The following IGF1 variants were observed in gnomAD, a reference collection of about 807,000 sequenced individuals.
IGF1 encodes insulin-like growth factor 1.
In IGF1, 4 loss-of-function variants were observed where a neutral mutation model predicts 13.8. That is an observed-to-expected ratio of 0.29 (90% CI 0.14 to 0.66). The LOEUF (loss-of-function observed/expected upper bound fraction) is 0.66, where lower values mean the gene tolerates loss of function less well. Among genes scored for constraint, IGF1 ranks in the 30% least tolerant of loss-of-function variants. The pLI is 0.78. For synonymous variants in IGF1, 76 were observed against 72.6 expected, an observed-to-expected ratio of 1.05 and a Z score of -0.23; for missense variants, 124 against 188.5, an observed-to-expected ratio of 0.66 and a Z score of 2.00.
chr12:102,472,647 T>G (rs945203459), intron 2 of IGF1, among the ~76,000 whole-genome samples: 2 of 152,194 alleles, frequency 1.3e-5, no homozygotes, highest in African/African-American at 4.8e-5. Flanking sequence ...TGACAGTGTA[T>G]AGAGGTGGGG....
rs1880661887 is a variant in IGF1 at position 102,471,165 on chromosome 12, CTG to C, written c.220+4476_220+4477del. Among the ~76,000 whole-genome samples, 6 of 152,274 alleles carry C rather than the reference CTG, an allele frequency of 3.9e-5. No individual in the cohort carries two copies. The South Asian group carries it at 1.2e-3, about 32-fold the overall frequency. On this transcript the variant is annotated intron_variant, in intron 2 of 3. Transcript: ENST00000337514. Reference sequence around the variant, plus strand: ...TTTAACTGGGTGGAATCTCCTATCTCTGGGGACCAACAGAAACTATGTAAATA... The same window carrying C: ...TTTAACTGGGTGGAATCTCCTATCTCGGGACCAACAGAAACTATGTAAATA...
chr12:102,477,535 A>ATTTT lies in IGF1; in HGVS notation c.64-1740_64-1737dup, dbSNP rs371700453. Among the ~76,000 whole-genome samples the ATTTT allele has an allele frequency of 1.5e-3, 216 of 140,618 alleles. 6 individuals are homozygous for ATTTT. The highest frequency in any genetic ancestry group is 4.1e-3 in the South Asian group (18 of 4,366). 92.3% of individuals were successfully genotyped at this position (140,618 alleles called of 152,430 possible). ...AGAAGCATGTTATCATCCAGTTCTC[A>ATTTT]TTTTTTTTTTTTTTTGGTTGTAAAA... is the stretch of plus-strand genomic sequence containing the variant. On this transcript the variant is annotated intron_variant, in intron 1 of 3. Transcript: ENST00000337514.
chr12:102,470,617 C>T (rs1880626817), intron 2 of IGF1, among the ~76,000 whole-genome samples: 1 of 152,100 alleles, frequency 6.6e-6, no homozygotes, highest in Admixed American at 6.5e-5. Context: ...AAGAGAAAAG[C>T]TTTCCCACAG....
intron 2 of IGF1, among the ~76,000 whole-genome samples, chr12:102,434,832 T>C (rs963699969): frequency 6.6e-6 from 1 of 151,738 alleles, no homozygotes; most frequent in Non-Finnish European, 1.5e-5. Flanking sequence ...TTTTAATGAT[T>C]GCCATTCTAA....
chr12:102,429,589 A>T (rs996410711), intron 2 of IGF1, among the ~76,000 whole-genome samples: 1 of 152,218 alleles, frequency 6.6e-6, no homozygotes, highest in Non-Finnish European at 1.5e-5. Flanking sequence ...TCTTTATTTC[A>T]TCTGGGACCA....
chr12:102,435,424 A>G (rs1877143077), intron 2 of IGF1, among the ~76,000 whole-genome samples: 2 of 152,194 alleles, frequency 1.3e-5, no homozygotes, highest in Admixed American at 1.3e-4. Flanking sequence ...GTCTCCCCAC[A>G]TCCCCCAGCA....
At chr12:102,439,056 C>T (rs1877480275) in intron 2 of IGF1, among the ~76,000 whole-genome samples, 1 of 152,236 alleles carries the variant, frequency 6.6e-6, no homozygotes. Flanking sequence ...GCTGTAGCCA[C>T]AACACTTGCA....
At position 102,396,561 on chromosome 12, in the gene IGF1, G is replaced by A. The variant is rs374422492; in HGVS notation, c.*5946C>T. 19 of 252,888 alleles carry A rather than the reference G, an allele frequency of 7.5e-5. 1 individual carries two copies. Among genetic ancestry groups the A allele is most frequent in the Admixed American group, 1.6e-4 (3 of 18,272 alleles). 15.7% of individuals were successfully genotyped at this position (252,888 alleles called of 1,614,324 possible). On this transcript the variant is annotated 3_prime_UTR_variant, in exon 4 of 4. Coordinates refer to ENST00000337514, the MANE Select transcript of IGF1 (RefSeq NM_000618.5). ...TGGGTGGCTTGAAAGGGATTTTAGA[G>A]CTCTGTTTTTATTTTTCCTACTTTA... is the stretch of plus-strand genomic sequence containing the variant.
chr12:102,432,333 A>T (rs1457843505), intron 2 of IGF1, among the ~76,000 whole-genome samples: 2 of 152,172 alleles, frequency 1.3e-5, no homozygotes, highest in African/African-American at 4.8e-5. Context: ...TTTTATCATC[A>T]TTTTAACTAA....
intron 3 of IGF1, among the ~76,000 whole-genome samples, chr12:102,407,812 T>C (rs953082644): frequency 1.3e-5 from 2 of 152,206 alleles, no homozygotes; most frequent in Non-Finnish European, 2.9e-5. Context: ...ATGGTATTTA[T>C]AGAAGTCTAG....
rs144188228 is a variant in IGF1, at chr12:102,475,213, T to G, written c.220+430A>C. ...TAATATTTTTTTTCCCAGATCCACA[T>G]GACTGGAGAGTCCTTACTATTTTAC... On this transcript the variant is annotated intron_variant, in intron 2 of 3. Coordinates refer to ENST00000337514, the MANE Select transcript of IGF1 (RefSeq NM_000618.5). Among the ~76,000 whole-genome samples the G allele has an allele frequency of 1.3e-3, 204 of 152,280 alleles. 2 individuals carry two copies. Among genetic ancestry groups the G allele is most frequent in the Non-Finnish European group, 2.5e-4 (17 of 68,038 alleles).
intron 2 of IGF1, among the ~76,000 whole-genome samples, chr12:102,453,776 A>C (rs535792134): frequency 4.9e-4 from 74 of 152,340 alleles, no homozygotes; most frequent in South Asian, 3.9e-3. Flanking sequence ...GTCAGGTACC[A>C]TGCGTGCTTG....
intron 2 of IGF1, among the ~76,000 whole-genome samples, 161 bp from the exon 3 acceptor site, chr12:102,419,851 T>C (rs934008123): frequency 2.0e-4 from 31 of 152,164 alleles, no homozygotes; most frequent in African/African-American, 7.5e-4. Context: ...CCCACGTATC[T>C]TTCTGAATGC....
At chr12:102,420,031 A>T (rs546458915) in intron 2 of IGF1, among the ~76,000 whole-genome samples, 1 of 152,220 alleles carries the variant, frequency 6.6e-6, no homozygotes, top group Non-Finnish European at 1.5e-5. Context: ...ATATTAAAAT[A>T]AGATCATGCA....
chr12:102,453,386 C>G (rs1482252632), intron 2 of IGF1, among the ~76,000 whole-genome samples: 1 of 152,162 alleles, frequency 6.6e-6, no homozygotes, highest in Non-Finnish European at 1.5e-5. Flanking sequence ...AACTTTTCTT[C>G]AGGCCTCAGT....
intron 3 of IGF1, among the ~76,000 whole-genome samples, chr12:102,413,702 G>A (rs1000509560): frequency 6.6e-6 from 1 of 152,104 alleles, no homozygotes; most frequent in Non-Finnish European, 1.5e-5. Context: ...CCAATAACTG[G>A]AGTTCATACT....
chr12:102,466,553 T>C (rs1880339141), intron 2 of IGF1, among the ~76,000 whole-genome samples: 1 of 152,122 alleles, frequency 6.6e-6, no homozygotes, highest in African/African-American at 2.4e-5. Context: ...GCTGAAAAAC[T>C]CTGTTGCCAA....
At chr12:102,429,248 G>T (rs1367950482) in intron 2 of IGF1, among the ~76,000 whole-genome samples, 1 of 151,964 alleles carries the variant, frequency 6.6e-6, no homozygotes, top group Non-Finnish European at 1.5e-5. Flanking sequence ...TCTTTCTGCA[G>T]GATTTTGCTG....
At chr12:102,458,664 A>G (rs1048382907) in intron 2 of IGF1, among the ~76,000 whole-genome samples, 5 of 151,358 alleles carry the variant, frequency 3.3e-5, no homozygotes, top group African/African-American at 1.2e-4. Flanking sequence ...GAACTTACAG[A>G]GATTAATAAA....
Sources: gnomAD v4.1 joint callset for allele counts (sites outside exome capture counted in the v4.1 genomes callset) on GRCh38, gnomAD v4.1.1 for gene constraint, MANE v1.5 for transcripts, NCBI Gene and HGNC (gene_info 2026-07-23, HGNC 2026-07-21) for gene names.